The following ULK4 variants were observed in gnomAD, a reference collection of about 807,000 sequenced individuals.
ULK4 encodes inactive serine/threonine-protein kinase ULK4.
ULK4 carries 133 observed loss-of-function variants against 160.6 expected under a neutral mutation model. That is an observed-to-expected ratio of 0.83 (90% confidence interval 0.72 to 0.96). The LOEUF is 0.96. Among genes scored for constraint, ULK4 ranks in the 40% least tolerant of loss-of-function variants. The probability of loss-of-function intolerance (pLI) is 0.00; values close to 1 mark genes in which losing one functional copy is unlikely to be tolerated. For synonymous variants in ULK4, 534 were observed against 539.8 expected, an observed-to-expected ratio of 0.99 and a Z score of 0.15; for missense variants, 1,580 against 1,499.5, an observed-to-expected ratio of 1.05 and a Z score of -0.89.
At chr3:41,355,655 C>CTAA (rs1314437174) in intron 35 of ULK4, among the ~76,000 whole-genome samples, 1 of 152,180 alleles carries the variant, frequency 6.6e-6, no homozygotes, top group African/African-American at 2.4e-5. Flanking sequence ...ATCACAGGAT[C>CTAA]TAATCATCCT....
At chr3:41,299,156 A>G (rs569473988) in intron 35 of ULK4, among the ~76,000 whole-genome samples, 14 of 152,306 alleles carry the variant, frequency 9.2e-5, no homozygotes, top group African/African-American at 3.4e-4. Context: ...GGCTTTGCAC[A>G]CTTCAGTTCT....
chr3:41,316,657 T>C (rs896254874), intron 35 of ULK4, among the ~76,000 whole-genome samples: 7 of 152,206 alleles, frequency 4.6e-5, no homozygotes, highest in Non-Finnish European at 7.3e-5. Flanking sequence ...AACTACCTGC[T>C]GGGTATGATG....
chr3:41,656,289 A>G (rs898414373), intron 30 of ULK4, among the ~76,000 whole-genome samples: 2 of 151,992 alleles, frequency 1.3e-5, no homozygotes, highest in Non-Finnish European at 2.9e-5. Flanking sequence ...AAATATTAAT[A>G]TTTCTTTTAT....
intron 34 of ULK4, among the ~76,000 whole-genome samples, chr3:41,425,031 A>G (rs1489701157): frequency 6.6e-6 from 1 of 152,132 alleles, no homozygotes; most frequent in African/African-American, 2.4e-5. Context: ...CCCAATGCAA[A>G]GAAGCTAAGA....
intron 30 of ULK4, among the ~76,000 whole-genome samples, chr3:41,620,999 G>A (rs1026581229): frequency 3.3e-5 from 5 of 152,138 alleles, no homozygotes; most frequent in Non-Finnish European, 7.3e-5. Context: ...AATCATGAAT[G>A]AACTCTCATT....
Position 41,246,726 on chromosome 3 carries a change from G to A in ULK4, c.*203C>T. 1.8e-6 allele frequency: 1 copy of A among 571,138 alleles called. No individual in the cohort carries two copies. Among genetic ancestry groups the A allele is most frequent in the Non-Finnish European group, 3.1e-6 (1 of 321,726 alleles). The allele number at this position is 571,138 out of a possible 1,614,324, so 35.4% of individuals were successfully genotyped here. ...CTGGGCTTCCCAGATGCATTCCACAGGAACCAAGGAAGTCCATTCTGAGTC... is the reference window on the plus strand; with the variant it reads ...CTGGGCTTCCCAGATGCATTCCACAAGAACCAAGGAAGTCCATTCTGAGTC... On this transcript the variant is annotated 3_prime_UTR_variant, in exon 37 of 37. Coordinates refer to ENST00000301831, the MANE Select transcript of ULK4 (RefSeq NM_017886.4).
chr3:41,636,121 G>A (rs1413759529), intron 30 of ULK4, among the ~76,000 whole-genome samples: 1 of 152,104 alleles, frequency 6.6e-6, no homozygotes, highest in African/African-American at 2.4e-5. Context: ...CATAAACTCT[G>A]AGTGTTACTT....
At chr3:41,572,339 G>A (rs2088007412) in intron 31 of ULK4, among the ~76,000 whole-genome samples, 1 of 152,142 alleles carries the variant, frequency 6.6e-6, no homozygotes, top group African/African-American at 2.4e-5. Context: ...GTAGGCGGGG[G>A]TGAAAATCTG....
intron 31 of ULK4, among the ~76,000 whole-genome samples, chr3:41,597,940 C>A (rs1313048737): frequency 6.6e-6 from 1 of 152,178 alleles, no homozygotes; most frequent in African/African-American, 2.4e-5. Flanking sequence ...ATCCTCTTAA[C>A]ACGCATTTCC....
intron 35 of ULK4, among the ~76,000 whole-genome samples, chr3:41,317,145 G>A (rs561503623): frequency 2.6e-4 from 35 of 134,648 alleles, no homozygotes; most frequent in Middle Eastern, 4.9e-3. Context: ...GCGCAATCTC[G>A]GCTCACTGCA....
intron 35 of ULK4, among the ~76,000 whole-genome samples, chr3:41,265,187 T>TC (rs1395760959): frequency 6.6e-6 from 1 of 152,202 alleles, no homozygotes; most frequent in Non-Finnish European, 1.5e-5. Context: ...TAGGGGACCA[T>TC]CTCAGATCCA....
At chr3:41,344,703 C>T (rs182780734) in intron 35 of ULK4, among the ~76,000 whole-genome samples, 32 of 138,072 alleles carry the variant, frequency 2.3e-4, no homozygotes, top group Admixed American at 1.6e-3. Context: ...CAGTGAGCCG[C>T]GGTCATGATA....
chr3:41,313,587 GC>G (rs1232562750), intron 35 of ULK4, among the ~76,000 whole-genome samples: 1 of 151,896 alleles, frequency 6.6e-6, no homozygotes, highest in Non-Finnish European at 1.5e-5. Context: ...TCTTTTACAA[GC>G]TTCTTTAGTT....
At chr3:41,920,832 T>C (rs1403015427) in intron 5 of ULK4, among the ~76,000 whole-genome samples, 1 of 152,184 alleles carries the variant, frequency 6.6e-6, no homozygotes, top group Non-Finnish European at 1.5e-5. Context: ...TGCTATCACA[T>C]TTTGTACACA....
intron 31 of ULK4, among the ~76,000 whole-genome samples, chr3:41,599,108 CCTT>C (rs1410552466): frequency 1.3e-5 from 2 of 152,228 alleles, no homozygotes; most frequent in African/African-American, 4.8e-5. Context: ...TTTTCTACCT[CCTT>C]CTTCCACATC....
At chr3:41,445,534 C>A (rs1273707751) in intron 34 of ULK4, among the ~76,000 whole-genome samples, 2 of 151,906 alleles carry the variant, frequency 1.3e-5, no homozygotes, top group Non-Finnish European at 2.9e-5. Flanking sequence ...AGATATAGAT[C>A]AATGGAACAG....
intron 2 of ULK4, among the ~76,000 whole-genome samples, chr3:41,950,919 C>A (rs1299208683): frequency 6.6e-6 from 1 of 151,520 alleles, no homozygotes; most frequent in East Asian, 2.0e-4. Context: ...CCGAAGCGGG[C>A]AGATCACGAG....
chr3:41,461,870 G>T (rs1165289381), intron 33 of ULK4, among the ~76,000 whole-genome samples: 1 of 152,104 alleles, frequency 6.6e-6, no homozygotes, highest in Non-Finnish European at 1.5e-5. Flanking sequence ...TACCACTATG[G>T]AAACTGAAAT....
At chr3:41,531,174 G>A (rs932483307) in intron 32 of ULK4, among the ~76,000 whole-genome samples, 1 of 150,100 alleles carries the variant, frequency 6.7e-6, no homozygotes, top group Non-Finnish European at 1.5e-5. Flanking sequence ...CGGGCGCGGT[G>A]GCTCAGGCCT....
Sources: allele counts gnomAD v4.1 joint callset (sites outside exome capture counted in the v4.1 genomes callset), GRCh38; gene constraint gnomAD v4.1.1; transcripts MANE v1.5; gene names NCBI Gene and HGNC (gene_info 2026-07-23, HGNC 2026-07-21).